The following NXPE2 variants were observed in gnomAD, a reference collection of about 807,000 sequenced individuals.
The protein encoded by NXPE2 is NXPE family member 2.
In NXPE2, 34 loss-of-function variants were observed where a neutral mutation model predicts 34.4. The observed-to-expected ratio is 0.99, with a 90% CI of 0.75 to 1.31. The LOEUF is 1.31. NXPE2 is among the 40% of genes most tolerant of loss of function. NXPE2 has a pLI of 0.00. For synonymous variants in NXPE2, 235 were observed against 231.3 expected (o/e 1.02, Z -0.15); for missense variants, 649 against 672.5 (o/e 0.97, Z 0.39).
At chr11:114,716,930 G>C in the NXPE2 span, among the ~76,000 whole-genome samples, 3 of 152,164 alleles carry the variant, frequency 2.0e-5, no homozygotes, top group South Asian at 4.1e-4. Context: ...GTTTACAGCA[G>C]GGGTCAGCAA....
intron 2 of NXPE2, among the ~76,000 whole-genome samples, chr11:114,690,780 T>C (rs961245661): frequency 3.3e-5 from 5 of 152,162 alleles, no homozygotes; most frequent in Non-Finnish European, 7.3e-5. Flanking sequence ...TCTTTGTTCA[T>C]TTTTAAAAAT....
At chr11:114,536,256 C>T in the NXPE2 span, among the ~76,000 whole-genome samples, 19 of 152,194 alleles carry the variant, frequency 1.2e-4, no homozygotes, top group Non-Finnish European at 2.4e-4. Flanking sequence ...CACAACATAC[C>T]AGAATCTCTG....
chr11:114,605,157 GATA>G, the NXPE2 span, among the ~76,000 whole-genome samples: 2 of 151,986 alleles, frequency 1.3e-5, no homozygotes, highest in Admixed American at 6.6e-5. Flanking sequence ...GTTTCCCAGG[GATA>G]ATAAGTGTTG....
chr11:114,554,387 G>A, the NXPE2 span: 173 of 985,132 alleles, frequency 1.8e-4, no homozygotes, highest in African/African-American at 2.8e-3. Context: ...GACCACAGAG[G>A]TGATGACAAT....
intron 2 of NXPE2, among the ~76,000 whole-genome samples, chr11:114,682,848 GAA>G (rs35146922): frequency 7.0e-6 from 1 of 143,630 alleles, no homozygotes; most frequent in South Asian, 2.2e-4. Flanking sequence ...ACCTGAGGAG[GAA>G]AAAAAAAAAC....
the NXPE2 span, among the ~76,000 whole-genome samples, chr11:114,805,583 G>C: frequency 6.6e-6 from 1 of 152,214 alleles, no homozygotes; most frequent in Non-Finnish European, 1.5e-5. Context: ...ACGGCGTCTC[G>C]CTCAGTGCTA....
the NXPE2 span, among the ~76,000 whole-genome samples, chr11:114,746,043 A>G: frequency 6.6e-6 from 1 of 152,180 alleles, no homozygotes; most frequent in Non-Finnish European, 1.5e-5. Context: ...ATAAAATAGT[A>G]TATTTTATGT....
the NXPE2 span, among the ~76,000 whole-genome samples, chr11:114,795,488 A>AT: frequency 2.0e-5 from 3 of 152,222 alleles, no homozygotes; most frequent in Non-Finnish European, 4.4e-5. Flanking sequence ...CCTTGAATGC[A>AT]TGATACCCAG....
chr11:114,481,199 A>G, the NXPE2 span, among the ~76,000 whole-genome samples: 1 of 152,198 alleles, frequency 6.6e-6, no homozygotes, highest in African/African-American at 2.4e-5. Context: ...ACTGTGATGT[A>G]ATATTTGAAT....
chr11:114,657,299 C>A, the NXPE2 span, among the ~76,000 whole-genome samples: 5 of 152,028 alleles, frequency 3.3e-5, no homozygotes, highest in Non-Finnish European at 7.4e-5. Context: ...CTTGGGAGAT[C>A]TCGATATAGA....
chr11:114,752,201 C>T, the NXPE2 span, among the ~76,000 whole-genome samples: 1 of 152,190 alleles, frequency 6.6e-6, no homozygotes, highest in African/African-American at 2.4e-5. Context: ...AAATATGAAG[C>T]CCCTGAGACA....
At chr11:114,731,343 A>G in the NXPE2 span, among the ~76,000 whole-genome samples, 1 of 152,242 alleles carries the variant, frequency 6.6e-6, no homozygotes, top group Admixed American at 6.5e-5. Context: ...CATGCAGTTA[A>G]CCATATGAAC....
upstream of NXPE2, among the ~76,000 whole-genome samples, chr11:114,676,332 G>GA (rs1353806870): frequency 4.0e-5 from 6 of 151,580 alleles, no homozygotes; most frequent in Non-Finnish European, 8.8e-5. Context: ...TACGAAATGG[G>GA]AAAAAACATT....
At chr11:114,513,145 GA>G in the NXPE2 span, 2 of 553,210 alleles carry the variant, frequency 3.6e-6, no homozygotes, top group Non-Finnish European at 7.3e-6. Flanking sequence ...TGGCCCTCAG[GA>G]AATCCCTGCC....
chr11:114,469,336 A>G, the NXPE2 span, among the ~76,000 whole-genome samples: 1 of 151,426 alleles, frequency 6.6e-6, no homozygotes, highest in Non-Finnish European at 1.5e-5. Context: ...GATGGTCTCG[A>G]TCTCTTGACC....
chr11:114,588,720 T>C, the NXPE2 span, among the ~76,000 whole-genome samples: 2 of 151,990 alleles, frequency 1.3e-5, no homozygotes, highest in Non-Finnish European at 2.9e-5. Flanking sequence ...CCAAACCTCT[T>C]AACTACTCTA....
the NXPE2 span, among the ~76,000 whole-genome samples, chr11:114,540,531 C>T: frequency 8.8e-4 from 133 of 151,878 alleles, no homozygotes; most frequent in African/African-American, 3.0e-3. Flanking sequence ...GGAATGGGTG[C>T]GTATGGGAAA....
chr11:114,623,256 AAT>A, the NXPE2 span, among the ~76,000 whole-genome samples: 13 of 152,092 alleles, frequency 8.5e-5, no homozygotes, highest in Admixed American at 2.6e-4. Flanking sequence ...CCCGGTGGGT[AAT>A]ACATATTGCC....
At chr11:114,639,456 C>G in the NXPE2 span, among the ~76,000 whole-genome samples, 2 of 151,758 alleles carry the variant, frequency 1.3e-5, no homozygotes, top group Admixed American at 6.6e-5. Context: ...TCGGCTCATG[C>G]ACGCTGCGCT....
Sources: allele counts gnomAD v4.1 joint callset (sites outside exome capture counted in the v4.1 genomes callset), GRCh38; gene constraint gnomAD v4.1.1; transcripts MANE v1.5; gene names NCBI Gene and HGNC (gene_info 2026-07-23, HGNC 2026-07-21).